The following STXBP6 variants were observed in gnomAD, a reference collection of about 807,000 sequenced individuals.
The protein encoded by STXBP6 is syntaxin-binding protein 6.
STXBP6 carries 21 observed loss-of-function variants against 26.9 expected under a neutral mutation model. The observed-to-expected ratio is 0.78, with a 90% CI of 0.55 to 1.12. The LOEUF (loss-of-function observed/expected upper bound fraction) is 1.12. STXBP6 is among the 50% of genes most tolerant of loss of function. STXBP6 has a pLI of 0.00. For synonymous variants in STXBP6, 97 were observed against 92.6 expected, an observed-to-expected ratio of 1.05 and a Z score of -0.27; for missense variants, 232 against 257.9, an observed-to-expected ratio of 0.90 and a Z score of 0.69.
At chr14:24,888,692 C>T (rs1193713090) in intron 2 of STXBP6, among the ~76,000 whole-genome samples, 3 of 150,158 alleles carry the variant, frequency 2.0e-5, no homozygotes, top group Admixed American at 2.0e-4. Context: ...CACTGTACTC[C>T]AGCCTGGTGA....
At chr14:24,954,659 C>T (rs952342703) in intron 2 of STXBP6, among the ~76,000 whole-genome samples, 20 of 152,248 alleles carry the variant, frequency 1.3e-4, no homozygotes, top group African/African-American at 4.1e-4. Context: ...AAGTGGCATC[C>T]GGATCCCACT....
chr14:25,006,864 A>C (rs1486830562), intron 1 of STXBP6, among the ~76,000 whole-genome samples: 2 of 152,054 alleles, frequency 1.3e-5, no homozygotes, highest in African/African-American at 4.8e-5. Flanking sequence ...AAAAAAAAAA[A>C]AGCATATTTT....
At chr14:25,001,975 G>A (rs1472063129) in intron 1 of STXBP6, among the ~76,000 whole-genome samples, 1 of 152,172 alleles carries the variant, frequency 6.6e-6, no homozygotes, top group Non-Finnish European at 1.5e-5. Flanking sequence ...CATCTAAAAT[G>A]TATATGTAGA....
chr14:24,886,158 C>T (rs1395919049), intron 2 of STXBP6, among the ~76,000 whole-genome samples: 4 of 152,134 alleles, frequency 2.6e-5, no homozygotes, highest in East Asian at 1.9e-4. Context: ...TTGCCCCAAT[C>T]GCTTTGAGTT....
chr14:25,049,875 T>C lies in STXBP6; in HGVS notation c.-33+3A>G. ...CGCCTGGCTCCCCTCGCCCCGGTCC[T>C]ACCGTGCAGCCTGGCTCGCGCCCCT... On this transcript the variant is annotated splice_donor_region_variant and intron_variant, in intron 1 of 5. Coordinates refer to ENST00000323944, the MANE Select transcript of STXBP6 (RefSeq NM_001394410.1). This position sits in a 1 kb window ranked among gnomAD's most constrained non-coding sequence, Gnocchi z 5.6. 3 of 985,286 alleles carry C rather than the reference T, an allele frequency of 3.0e-6. No homozygotes were observed. Among genetic ancestry groups the C allele is most frequent in the Non-Finnish European group, 3.6e-6 (3 of 829,954 alleles). 61.0% of individuals were successfully genotyped at this position (985,286 alleles called of 1,614,324 possible). A position where few individuals can be genotyped will look rare whatever the true frequency, so the allele number is the denominator to read the frequency against.
intron 1 of STXBP6, among the ~76,000 whole-genome samples, chr14:24,998,729 G>A (rs377001167): frequency 1.3e-5 from 2 of 152,288 alleles, no homozygotes; most frequent in South Asian, 2.1e-4. Context: ...TACGATCCAG[G>A]CCCTAACCTA....
At chr14:24,915,348 T>C (rs28430842) in intron 2 of STXBP6, among the ~76,000 whole-genome samples, 29,161 of 152,018 alleles carry the variant, frequency 0.19, 2,939 homozygotes, top group African/African-American at 0.25. Context: ...ACCCAGACAT[T>C]ACACACAAAC....
At chr14:24,877,560 C>T (rs961055467) in intron 2 of STXBP6, among the ~76,000 whole-genome samples, 20 of 151,910 alleles carry the variant, frequency 1.3e-4, no homozygotes, top group Admixed American at 3.3e-4. Context: ...TATTTTATCT[C>T]GGAACTCCTC....
intron 4 of STXBP6, among the ~76,000 whole-genome samples, chr14:24,823,867 T>A (rs186562489): frequency 1.2e-4 from 19 of 152,320 alleles, no homozygotes; most frequent in Non-Finnish European, 2.2e-4. Flanking sequence ...GGGAGACCTA[T>A]TATATTTAAT....
intron 2 of STXBP6, among the ~76,000 whole-genome samples, chr14:24,961,844 T>C (rs1239463662): frequency 6.6e-6 from 1 of 152,208 alleles, no homozygotes; most frequent in Non-Finnish European, 1.5e-5. Flanking sequence ...CCCTGGTTTC[T>C]CTCTGTGTTC....
At chr14:24,886,799 GAGA>G (rs1210247824) in intron 2 of STXBP6, among the ~76,000 whole-genome samples, 1 of 152,172 alleles carries the variant, frequency 6.6e-6, no homozygotes, top group African/African-American at 2.4e-5. Context: ...TAAAGCAATT[GAGA>G]AGGACTTGTA....
chr14:24,922,218 T>C (rs1038233448), intron 2 of STXBP6, among the ~76,000 whole-genome samples: 8 of 152,034 alleles, frequency 5.3e-5, no homozygotes, highest in African/African-American at 1.9e-4. Context: ...TAGCAAAGAA[T>C]TTCAGGCTTA....
chr14:24,948,392 C>G (rs1951798), intron 2 of STXBP6, among the ~76,000 whole-genome samples: 1 of 152,052 alleles, frequency 6.6e-6, no homozygotes, highest in Non-Finnish European at 1.5e-5. Flanking sequence ...CACAGAGAAT[C>G]TATGGGAAGT....
chr14:25,016,097 A>C (rs752395041), intron 1 of STXBP6, among the ~76,000 whole-genome samples: 42 of 152,338 alleles, frequency 2.8e-4, no homozygotes, highest in Admixed American at 5.2e-4. Flanking sequence ...ATGAGAAATG[A>C]AAAATGCTTA....
intron 4 of STXBP6, among the ~76,000 whole-genome samples, chr14:24,855,373 A>G (rs935798727): frequency 2.6e-5 from 4 of 152,070 alleles, no homozygotes; most frequent in African/African-American, 9.7e-5. Context: ...AAATGTGCTA[A>G]GCACCCTCTA....
At chr14:24,817,910 AG>A (rs1429272299) in intron 5 of STXBP6, 10 of 389,018 alleles carry the variant, frequency 2.6e-5, no homozygotes, top group Middle Eastern at 6.0e-4. Flanking sequence ...CGCTGTGCAA[AG>A]GGGATGCAGG....
intron 1 of STXBP6, among the ~76,000 whole-genome samples, chr14:25,029,880 C>A (rs1375083045): frequency 6.6e-6 from 1 of 151,946 alleles, no homozygotes; most frequent in Non-Finnish European, 1.5e-5. Context: ...TGCCTCAGAA[C>A]CTTTATAACA....
intron 2 of STXBP6, among the ~76,000 whole-genome samples, chr14:24,894,521 C>T (rs1435025791): frequency 6.6e-6 from 1 of 152,072 alleles, no homozygotes; most frequent in Non-Finnish European, 1.5e-5. Context: ...TCAGTGTCCC[C>T]CAGACAGGAA....
At chr14:24,904,353 T>G (rs1595080928) in intron 2 of STXBP6, among the ~76,000 whole-genome samples, 1 of 152,130 alleles carries the variant, frequency 6.6e-6, no homozygotes, top group Admixed American at 6.5e-5. Flanking sequence ...TATATTAGGT[T>G]GGTGCAAAAG....
Sources: allele counts gnomAD v4.1 joint callset (sites outside exome capture counted in the v4.1 genomes callset), GRCh38; gene constraint gnomAD v4.1.1; non-coding constraint Gnocchi (gnomAD v3.1); transcripts MANE v1.5; gene names NCBI Gene and HGNC (gene_info 2026-07-23, HGNC 2026-07-21).